CLEC16A: variants seen among roughly 807,000 people sequenced by gnomAD.
The protein encoded by CLEC16A is protein CLEC16A.
CLEC16A carries 51 observed loss-of-function variants against 109.5 expected under a neutral mutation model. The observed-to-expected ratio is 0.47, with a 90% CI of 0.37 to 0.59. The LOEUF (loss-of-function observed/expected upper bound fraction) is 0.59. Among genes scored for constraint, CLEC16A ranks in the 20% least tolerant of loss-of-function variants. CLEC16A has a pLI of 0.00. For synonymous variants in CLEC16A, 673 were observed against 564.2 expected (o/e 1.19, Z -2.73); for missense variants, 1,339 against 1,394.0 (o/e 0.96, Z 0.63).
chr16:11,058,310 A>G (rs2048312615), intron 18 of CLEC16A, among the ~76,000 whole-genome samples: 1 of 152,230 alleles, frequency 6.6e-6, no homozygotes, highest in Non-Finnish European at 1.5e-5. Context: ...GGGCTCCCCC[A>G]AGGATACCAA....
intron 23 of CLEC16A, among the ~76,000 whole-genome samples, chr16:11,173,188 A>G (rs1268304778): frequency 6.6e-6 from 1 of 152,152 alleles, no homozygotes; most frequent in Non-Finnish European, 1.5e-5. Context: ...AACCCCAAGT[A>G]AGATATCGTC....
intron 22 of CLEC16A, among the ~76,000 whole-genome samples, chr16:11,141,020 TGAG>T (rs1364010409): frequency 1.3e-5 from 2 of 152,198 alleles, no homozygotes; most frequent in African/African-American, 4.8e-5. Flanking sequence ...CCACTGCTGT[TGAG>T]GAGGGAGCCA....
chr16:11,120,527 C>T (rs971637250), intron 19 of CLEC16A, 88 bp from the exon 20 acceptor site: 1 of 1,397,826 alleles, frequency 7.2e-7, no homozygotes, highest in Admixed American at 2.2e-5. Flanking sequence ...GAGCTCTGCT[C>T]CTGATAGAAT....
chr16:11,069,704 A>ACTCTT, intron 19 of CLEC16A, among the ~76,000 whole-genome samples: 1 of 152,066 alleles, frequency 6.6e-6, no homozygotes. Flanking sequence ...AGCTTCCCAA[A>ACTCTT]GTGCCAGGAT....
chr16:10,944,869 G>T (rs1295841747), intron 1 of CLEC16A, 72 bp downstream of exon 1: 3 of 1,404,568 alleles, frequency 2.1e-6, no homozygotes, highest in South Asian at 1.3e-5. Context: ...CCGGGTCGGG[G>T]CTCTAGGAGG....
Position 11,024,805 on chromosome 16 carries a change from CCCT to C in CLEC16A, c.1437-11_1437-9del. On this transcript the variant is annotated splice_polypyrimidine_tract_variant and intron_variant, in intron 12 of 23. Transcript: ENST00000409790. Reference sequence around the variant, plus strand: ...TGTGCACCGTGAGGCTCATACATGCCCCTCCTCTTTTCCAGACCCTTCCTGGAT... The same window carrying C: ...TGTGCACCGTGAGGCTCATACATGCCCCTCTTTTCCAGACCCTTCCTGGAT... 1.3e-6 allele frequency: 2 copies of C among 1,563,298 alleles called. No individual in the cohort carries two copies. The highest frequency in any genetic ancestry group is 1.7e-6 in the Non-Finnish European group (2 of 1,147,320).
intron 10 of CLEC16A, among the ~76,000 whole-genome samples, chr16:10,987,249 G>A (rs543329337): frequency 1.3e-5 from 2 of 152,140 alleles, no homozygotes; most frequent in Admixed American, 6.5e-5. Context: ...ATCTTCCTCA[G>A]TTTCCCCCAG....
intron 1 of CLEC16A, among the ~76,000 whole-genome samples, chr16:10,945,203 T>G (rs1036297452): frequency 6.6e-6 from 1 of 152,218 alleles, no homozygotes; most frequent in Admixed American, 6.5e-5. Flanking sequence ...TCTGTGTGAA[T>G]GTAGGCCTCA....
chr16:11,011,186 T>C (rs2045390333), intron 11 of CLEC16A, among the ~76,000 whole-genome samples: 1 of 152,218 alleles, frequency 6.6e-6, no homozygotes, highest in Non-Finnish European at 1.5e-5. Context: ...AATTCCCCCT[T>C]AGATTTGACA....
intron 1 of CLEC16A, among the ~76,000 whole-genome samples, chr16:10,948,455 G>A (rs1476682397): frequency 6.6e-6 from 1 of 152,210 alleles, no homozygotes; most frequent in Admixed American, 6.5e-5. Flanking sequence ...ACCATGGGTG[G>A]TTTATTGTCC....
chr16:11,037,200 CT>C (rs1332707490), intron 13 of CLEC16A, among the ~76,000 whole-genome samples: 1 of 152,192 alleles, frequency 6.6e-6, no homozygotes, highest in Non-Finnish European at 1.5e-5. Flanking sequence ...AGAGGGGTGG[CT>C]TTTGTCAGCC....
chr16:10,975,199 C>T (rs1275142464), intron 7 of CLEC16A, among the ~76,000 whole-genome samples: 2 of 152,086 alleles, frequency 1.3e-5, no homozygotes, highest in African/African-American at 2.4e-5. Flanking sequence ...CATGGTAGTG[C>T]ACCCCTGTAA....
Position 11,159,230 on chromosome 16 carries a change from A to G in CLEC16A, c.2642-7158A>G, listed in dbSNP as rs542763344. ...TACCAGGCCCTGCCATCTCCCTGGC[A>G]CAAAAGCTGAATGTCCCATGGACTG... On this transcript the variant is annotated intron_variant, in intron 22 of 23. Transcript: ENST00000409790. 5.9e-5 allele frequency among the ~76,000 whole-genome samples: 9 copies of G among 152,356 alleles called. No individual in the cohort carries two copies. The South Asian group carries it at 1.9e-3, about 32-fold the overall frequency.
intron 11 of CLEC16A, among the ~76,000 whole-genome samples, chr16:11,012,187 G>A (rs1597037586): frequency 1.3e-5 from 2 of 152,304 alleles, no homozygotes; most frequent in East Asian, 3.9e-4. Flanking sequence ...ATCAACAGGA[G>A]TTAAGTTCAT....
At position 11,042,846 on chromosome 16, in the gene CLEC16A, GCACA is replaced by G. The variant is rs540570135; in HGVS notation, c.1770+494_1770+497del. On this transcript the variant is annotated intron_variant, in intron 15 of 23. Transcript: ENST00000409790. ...TAGTTGACATTTTGTCTGTGTCTGT[GCACA>G]CACACACACATATTATATATGTAAA... is the stretch of plus-strand genomic sequence containing the variant. 2.3e-3 allele frequency among the ~76,000 whole-genome samples: 343 copies of G among 149,960 alleles called. 1 individual carries two copies. Among genetic ancestry groups the G allele is most frequent in the African/African-American group, 7.7e-3 (314 of 41,028 alleles).
intron 11 of CLEC16A, among the ~76,000 whole-genome samples, chr16:11,008,062 C>A (rs1190286299): frequency 6.6e-6 from 1 of 152,150 alleles, no homozygotes; most frequent in Non-Finnish European, 1.5e-5. Flanking sequence ...GTACTTAGAG[C>A]ACTTAGCGCA....
intron 18 of CLEC16A, among the ~76,000 whole-genome samples, chr16:11,060,144 C>T (rs1342704461): frequency 6.6e-6 from 1 of 152,200 alleles, no homozygotes; most frequent in Non-Finnish European, 1.5e-5. Flanking sequence ...GACCAGACAC[C>T]ACTTCTATGG....
At chr16:11,092,455 C>T (rs932756479) in intron 19 of CLEC16A, among the ~76,000 whole-genome samples, 3 of 150,752 alleles carry the variant, frequency 2.0e-5, no homozygotes, top group East Asian at 1.9e-4. Context: ...GAGGCTGAGG[C>T]GGGAGGATCA....
chr16:11,154,159 A>G (rs997244813), intron 22 of CLEC16A, among the ~76,000 whole-genome samples: 10 of 152,250 alleles, frequency 6.6e-5, no homozygotes, highest in African/African-American at 2.2e-4. Context: ...TTGTTTGAAT[A>G]CACTGCTGGC....
Sources: gnomAD v4.1 joint callset for allele counts (sites outside exome capture counted in the v4.1 genomes callset) on GRCh38, gnomAD v4.1.1 for gene constraint, MANE v1.5 for transcripts, NCBI Gene and HGNC (gene_info 2026-07-23, HGNC 2026-07-21) for gene names.